Variants in MYO1B observed in about 807,000 individuals in gnomAD.
MYO1B encodes the protein myosin IB.
MYO1B carries 72 observed loss-of-function variants against 159.7 expected under a neutral mutation model. The observed-to-expected ratio is 0.45, with a 90% confidence interval of 0.37 to 0.55. The LOEUF (loss-of-function observed/expected upper bound fraction) is 0.55. Among genes scored for constraint, MYO1B ranks in the 20% least tolerant of loss-of-function variants. The pLI, the probability that MYO1B is intolerant of heterozygous loss-of-function variation, is 0.00. For synonymous variants in MYO1B, 468 were observed against 473.8 expected (o/e 0.99, Z 0.16); for missense variants, 1,062 against 1,364.8 (o/e 0.78, Z 3.50).
chr2:191,314,497 T>C (rs1235551364), intron 3 of MYO1B, among the ~76,000 whole-genome samples: 2 of 152,242 alleles, frequency 1.3e-5, no homozygotes, highest in Non-Finnish European at 2.9e-5. Flanking sequence ...GTTGGAATTA[T>C]TAGAAAATTA....
At chr2:191,416,272 T>C (rs764919486) in intron 30 of MYO1B, 30 bp downstream of exon 30, 1 of 1,613,156 alleles carries the variant, frequency 6.2e-7, no homozygotes. Flanking sequence ...GAAAACCCTT[T>C]TTCTCTTTCA....
intron 5 of MYO1B, among the ~76,000 whole-genome samples, chr2:191,343,468 T>C (rs1399164693): frequency 6.6e-6 from 1 of 152,226 alleles, no homozygotes; most frequent in Non-Finnish European, 1.5e-5. Flanking sequence ...CCCCAGTTAG[T>C]AGCATAAGAG....
intron 7 of MYO1B, among the ~76,000 whole-genome samples, chr2:191,354,449 T>TTTA (rs950581865): frequency 6.6e-6 from 1 of 151,984 alleles, no homozygotes; most frequent in African/African-American, 2.4e-5. Flanking sequence ...TACTTCTAAA[T>TTTA]GAATGCTTTT....
intron 2 of MYO1B, among the ~76,000 whole-genome samples, chr2:191,280,235 A>G (rs1472192808): frequency 1.3e-5 from 2 of 152,344 alleles, no homozygotes; most frequent in African/African-American, 2.4e-5. Flanking sequence ...GAAGCTCTGG[A>G]TAGAGCAAGG....
At chr2:191,343,376 A>T (rs1692349186) in intron 5 of MYO1B, among the ~76,000 whole-genome samples, 1 of 152,180 alleles carries the variant, frequency 6.6e-6, no homozygotes, top group African/African-American at 2.4e-5. Context: ...AGGCTCCCGA[A>T]CACTGAGTAT....
At chr2:191,280,104 T>C (rs1687969590) in intron 2 of MYO1B, among the ~76,000 whole-genome samples, 1 of 152,188 alleles carries the variant, frequency 6.6e-6, no homozygotes, top group African/African-American at 2.4e-5. Flanking sequence ...CGTGAGGGAT[T>C]GCTTTGCCCC....
At chr2:191,403,815 C>T (rs975180118) in intron 24 of MYO1B, among the ~76,000 whole-genome samples, 5 of 152,050 alleles carry the variant, frequency 3.3e-5, no homozygotes, top group East Asian at 3.8e-4. Flanking sequence ...GCTCTATAAC[C>T]GGTTTTTTTA....
In MYO1B at chr2:191,351,533, G is replaced by A. The variant is rs1469284292; in HGVS notation, c.562+1308G>A. 3.3e-5 allele frequency among the ~76,000 whole-genome samples: 5 copies of A among 152,310 alleles called. No homozygotes were observed. In the East Asian group the frequency reaches 5.8e-4, roughly 18 times the overall value. Reference sequence around the variant, plus strand: ...GAGGTTTCTCATCTTTAAAATGATAGGATTGAATTGGATGAATTCCATGGT... The same window carrying A: ...GAGGTTTCTCATCTTTAAAATGATAAGATTGAATTGGATGAATTCCATGGT... On this transcript the variant is annotated intron_variant, in intron 7 of 30. Transcript: ENST00000392318.
chr2:191,277,580 A>T (rs1421320012), intron 2 of MYO1B, among the ~76,000 whole-genome samples: 1 of 152,246 alleles, frequency 6.6e-6, no homozygotes, highest in Non-Finnish European at 1.5e-5. Flanking sequence ...TATATGCTAT[A>T]ATAGGAGAAA....
chr2:191,326,770 A>G lies in MYO1B; in HGVS notation c.252-3165A>G, dbSNP rs867938413. ...CTTCCAAAGCCTTGTGTTTGTATAT[A>G]TGTGTGTGTGTGTGTGTGTGTGTGT... On this transcript the variant is annotated intron_variant, in intron 3 of 30. Coordinates refer to ENST00000392318, the MANE Select transcript of MYO1B (RefSeq NM_001130158.3). Among the ~76,000 whole-genome samples, 1,340 of 137,146 alleles carry G rather than the reference A, an allele frequency of 9.8e-3. 14 individuals are homozygous for G. The highest frequency in any genetic ancestry group is 0.03 in the Admixed American group (402 of 13,580). 90.0% of individuals were successfully genotyped at this position (137,146 alleles called of 152,430 possible). A position where few individuals can be genotyped will look rare whatever the true frequency, so the allele number is the denominator to read the frequency against.
At chr2:191,268,509 G>A (rs1687273546) in intron 1 of MYO1B, among the ~76,000 whole-genome samples, 1 of 152,166 alleles carries the variant, frequency 6.6e-6, no homozygotes, top group Admixed American at 6.5e-5. Flanking sequence ...CTTGCTCACA[G>A]CATGTCTCCT....
At chr2:191,387,689 AG>A in intron 17 of MYO1B, 1 of 552,620 alleles carries the variant, frequency 1.8e-6, no homozygotes, top group Non-Finnish European at 3.2e-6. Context: ...AATGAAACTC[AG>A]TGGTTGAGAC....
At chr2:191,264,483 CTT>C (rs34759324) in intron 1 of MYO1B, among the ~76,000 whole-genome samples, 25 of 147,096 alleles carry the variant, frequency 1.7e-4, no homozygotes, top group Admixed American at 2.7e-4. Flanking sequence ...AATCTTTAGA[CTT>C]TTTTTTTTTT....
At chr2:191,300,181 G>T (rs916421724) in intron 3 of MYO1B, among the ~76,000 whole-genome samples, 2 of 152,140 alleles carry the variant, frequency 1.3e-5, no homozygotes, top group South Asian at 2.1e-4. Context: ...ATGTAAGGGG[G>T]TAAGATGACC....
intron 3 of MYO1B, among the ~76,000 whole-genome samples, chr2:191,302,179 C>T (rs1689375237): frequency 6.6e-6 from 1 of 152,230 alleles, no homozygotes; most frequent in African/African-American, 2.4e-5. Context: ...GGGACTTGCA[C>T]TGGCCCTGAG....
chr2:191,387,608 G>C, intron 17 of MYO1B, 158 bp downstream of exon 17: 2 of 685,834 alleles, frequency 2.9e-6, no homozygotes, highest in African/African-American at 1.8e-5. Context: ...CTTAAAAAAT[G>C]CTCCACTATC....
chr2:191,410,974 T>C, intron 26 of MYO1B, 92 bp from the exon 27 acceptor site: 1 of 705,340 alleles, frequency 1.4e-6, no homozygotes, highest in Non-Finnish European at 2.3e-6. Flanking sequence ...CCCTTATTCT[T>C]GTTGCTGATA....
chr2:191,362,376 G>A lies in MYO1B; in HGVS notation c.765+5G>A. 4 of 1,610,226 alleles carry A rather than the reference G, an allele frequency of 2.5e-6. No homozygotes were observed. The highest frequency in any genetic ancestry group is 2.5e-6 in the Non-Finnish European group (3 of 1,177,016). ...GCAAATTTTAGAACCGTGCGGGTAA[G>A]ATGTAGTACTTTCATCAAGCTTTAA... On this transcript the variant is annotated splice_donor_5th_base_variant and intron_variant, in intron 9 of 30. Coordinates refer to ENST00000392318, the MANE Select transcript of MYO1B (RefSeq NM_001130158.3).
At chr2:191,346,172 C>T (rs1359095934) in intron 5 of MYO1B, 64 bp from the exon 6 acceptor site, 9 of 1,240,504 alleles carry the variant, frequency 7.3e-6, no homozygotes, top group Non-Finnish European at 9.1e-6. Context: ...ACTGTATTTG[C>T]TTTATCTTTC....
Sources: allele counts gnomAD v4.1 joint callset (sites outside exome capture counted in the v4.1 genomes callset), GRCh38; gene constraint gnomAD v4.1.1; transcripts MANE v1.5; gene names NCBI Gene and HGNC (gene_info 2026-07-23, HGNC 2026-07-21).